SOX6: variants seen among roughly 807,000 people sequenced by gnomAD.
The protein encoded by SOX6 is transcription factor SOX-6.
Under a neutral mutation model 97.8 loss-of-function variants are expected in SOX6, and 11 were observed. The observed-to-expected ratio is 0.11, with a 90% CI of 0.07 to 0.19. The LOEUF (loss-of-function observed/expected upper bound fraction) is 0.19. Among genes scored for constraint, SOX6 ranks in the 10% least tolerant of loss-of-function variants. SOX6 has a pLI of 1.00. For missense variants in SOX6, 810 were observed against 1,039.5 expected (o/e 0.78, Z 3.04); for synonymous variants, 360 against 371.4 (o/e 0.97, Z 0.35).
chr11:16,124,469 G>A (rs1849563138), intron 6 of SOX6, among the ~76,000 whole-genome samples: 1 of 152,058 alleles, frequency 6.6e-6, no homozygotes, highest in Non-Finnish European at 1.5e-5. Flanking sequence ...GGAGGTAGTA[G>A]GTAGAAGGTA....
intron 1 of SOX6, among the ~76,000 whole-genome samples, chr11:16,374,220 A>G (rs1382215252): frequency 6.6e-6 from 1 of 152,076 alleles, no homozygotes; most frequent in Non-Finnish European, 1.5e-5. Flanking sequence ...ATAAAACACT[A>G]AAACCCCATG....
intron 4 of SOX6, among the ~76,000 whole-genome samples, chr11:16,501,446 CA>C (rs1257892677): frequency 6.6e-6 from 1 of 152,074 alleles, no homozygotes; most frequent in Non-Finnish European, 1.5e-5. Flanking sequence ...CAACAAAAGC[CA>C]AAATTGACAA....
rs200864065 is a variant in SOX6, at chr11:15,972,764, G to C, written c.*45C>G. ...TCTTTAATAACTCTTTGTTGGGGAG[G>C]GGGGTGAAATGTCAGAGTACTTTAA... On this transcript the variant is annotated 3_prime_UTR_variant, in exon 16 of 16. Coordinates refer to ENST00000683767, the MANE Select transcript of SOX6 (RefSeq NM_001367873.1). The C allele has an allele frequency of 2.2e-5, 35 of 1,600,168 alleles. No homozygotes were observed. Among genetic ancestry groups the C allele is most frequent in the African/African-American group, 2.7e-5 (2 of 74,658 alleles).
chr11:16,698,449 C>G (rs954930372), intron 3 of SOX6, among the ~76,000 whole-genome samples: 1 of 152,294 alleles, frequency 6.6e-6, no homozygotes, highest in South Asian at 2.1e-4. Context: ...GATCTTCCAT[C>G]TGGACCACTA....
chr11:16,484,046 G>T (rs972918888), intron 4 of SOX6: 6 of 786,064 alleles, frequency 7.6e-6, no homozygotes, highest in Non-Finnish European at 1.2e-5. Flanking sequence ...CGGGAGAGCC[G>T]AGGGGGCTGT....
At chr11:16,603,925 A>AACCC in intron 4 of SOX6, among the ~76,000 whole-genome samples, 1 of 152,322 alleles carries the variant, frequency 6.6e-6, no homozygotes, top group Admixed American at 6.5e-5. Flanking sequence ...GGAATCCTGG[A>AACCC]ACCCAGAACA....
At chr11:16,050,724 C>G (rs1185331865) in intron 10 of SOX6, among the ~76,000 whole-genome samples, 1 of 152,094 alleles carries the variant, frequency 6.6e-6, no homozygotes, top group Non-Finnish European at 1.5e-5. Flanking sequence ...TGTAGTTCAT[C>G]CAGGATCTTG....
chr11:16,057,117 C>T (rs1233523146), intron 9 of SOX6, among the ~76,000 whole-genome samples: 1 of 152,076 alleles, frequency 6.6e-6, no homozygotes, highest in East Asian at 1.9e-4. Flanking sequence ...AATGGTTTAA[C>T]TTGTATTTAT....
chr11:16,039,618 T>C (rs935213775), intron 12 of SOX6, among the ~76,000 whole-genome samples: 5 of 152,016 alleles, frequency 3.3e-5, no homozygotes, highest in African/African-American at 1.2e-4. Context: ...CAAAAGCAGA[T>C]ACCAGAATCA....
intron 1 of SOX6, among the ~76,000 whole-genome samples, chr11:16,369,888 G>C (rs192447828): frequency 6.6e-6 from 1 of 152,096 alleles, no homozygotes; most frequent in Non-Finnish European, 1.5e-5. Context: ...AAGAGACAAC[G>C]GACTTCCTTC....
At chr11:16,733,122 G>A (rs1450954740) in intron 2 of SOX6, among the ~76,000 whole-genome samples, 1 of 152,226 alleles carries the variant, frequency 6.6e-6, no homozygotes, top group Non-Finnish European at 1.5e-5. Context: ...CTTTTACACT[G>A]TTGGTGAGAA....
At chr11:16,145,598 A>G (rs1289387624) in intron 6 of SOX6, among the ~76,000 whole-genome samples, 1 of 152,306 alleles carries the variant, frequency 6.6e-6, no homozygotes, top group East Asian at 1.9e-4. Flanking sequence ...ATATTTAGAA[A>G]ACCCCATCGT....
chr11:16,649,405 G>C (rs544046754), intron 3 of SOX6, among the ~76,000 whole-genome samples: 31 of 152,258 alleles, frequency 2.0e-4, no homozygotes, highest in African/African-American at 4.6e-4. Context: ...AAACCTATCA[G>C]ATTAACAGAA....
chr11:16,186,253 T>C (rs1410356761), intron 5 of SOX6, among the ~76,000 whole-genome samples: 7 of 152,114 alleles, frequency 4.6e-5, no homozygotes, highest in Admixed American at 4.6e-4. Flanking sequence ...AAGAAAACTT[T>C]CACAAGTAAA....
intron 4 of SOX6, among the ~76,000 whole-genome samples, chr11:16,611,666 G>C (rs1848400322): frequency 6.6e-6 from 1 of 152,222 alleles, no homozygotes; most frequent in Non-Finnish European, 1.5e-5. Context: ...CTGCCTCAAA[G>C]AGGTCGGAAC....
At chr11:16,425,954 GAA>G (rs34187856) in intron 1 of SOX6, among the ~76,000 whole-genome samples, 3 of 147,760 alleles carry the variant, frequency 2.0e-5, no homozygotes, top group South Asian at 2.1e-4. Flanking sequence ...TACAGAACTA[GAA>G]AAAAAAAAAC....
intron 14 of SOX6, among the ~76,000 whole-genome samples, chr11:15,988,038 C>G (rs1377292356): frequency 3.3e-5 from 5 of 152,112 alleles, no homozygotes; most frequent in Non-Finnish European, 5.9e-5. Flanking sequence ...CTGATATTTA[C>G]TCAGGTTAAA....
At chr11:15,988,715 T>C (rs1853943226) in intron 14 of SOX6, among the ~76,000 whole-genome samples, 1 of 152,250 alleles carries the variant, frequency 6.6e-6, no homozygotes, top group Non-Finnish European at 1.5e-5. Context: ...ATTCACAGTA[T>C]TAACACATAC....
At chr11:16,195,074 T>C (rs554320560) in intron 4 of SOX6, among the ~76,000 whole-genome samples, 1 of 152,318 alleles carries the variant, frequency 6.6e-6, no homozygotes, top group African/African-American at 2.4e-5. Context: ...CCACCAAGTA[T>C]TGCAGGATTG....
Sources: gnomAD v4.1 joint callset for allele counts (sites outside exome capture counted in the v4.1 genomes callset) on GRCh38, gnomAD v4.1.1 for gene constraint, MANE v1.5 for transcripts, NCBI Gene and HGNC (gene_info 2026-07-23, HGNC 2026-07-21) for gene names.